The following AP1S3 variants were observed in gnomAD, a reference collection of about 807,000 sequenced individuals.
The protein encoded by AP1S3 is adaptor related protein complex 1 subunit sigma 3.
In AP1S3, 10 loss-of-function variants were observed where a neutral mutation model predicts 20.9. The ratio of observed to expected loss-of-function variants is 0.48; its 90% CI spans 0.29 to 0.81. The LOEUF (loss-of-function observed/expected upper bound fraction) is 0.81, where lower values mean the gene tolerates loss of function less well. Among genes scored for constraint, AP1S3 ranks in the 30% least tolerant of loss-of-function variants. The pLI, the probability that AP1S3 is intolerant of heterozygous loss-of-function variation, is 0.08. For synonymous variants in AP1S3, 41 were observed against 61.5 expected (o/e 0.67, Z 1.56); for missense variants, 154 against 183.8 (o/e 0.84, Z 0.94).
intron 1 of AP1S3, among the ~76,000 whole-genome samples, chr2:223,814,510 A>C (rs1272165519): frequency 6.6e-6 from 1 of 152,222 alleles, no homozygotes; most frequent in Non-Finnish European, 1.5e-5. Flanking sequence ...TAACATTTAG[A>C]CCATTCCTGG....
At chr2:223,820,365 T>C (rs1241326151) in intron 1 of AP1S3, among the ~76,000 whole-genome samples, 1 of 152,178 alleles carries the variant, frequency 6.6e-6, no homozygotes, top group Non-Finnish European at 1.5e-5. Context: ...GTTCAATAAA[T>C]ATTTATTGCC....
At chr2:223,794,749 T>C (rs1186398518) in intron 1 of AP1S3, among the ~76,000 whole-genome samples, 3 of 152,210 alleles carry the variant, frequency 2.0e-5, no homozygotes, top group Non-Finnish European at 4.4e-5. Context: ...GTCCTTCCTC[T>C]AAGCGCATCT....
chr2:223,833,241 AATACATACATACATACATAC>A (rs56906676), intron 1 of AP1S3, among the ~76,000 whole-genome samples: 1 of 148,432 alleles, frequency 6.7e-6, no homozygotes, highest in Non-Finnish European at 1.5e-5. Context: ...TTAAAGGCAA[AATACATACATACATACATAC>A]ATACATACAT....
rs1341802878 is a variant in AP1S3 at position 223,757,194 on chromosome 2, C to A, written c.*1521G>T. The A allele has an allele frequency of 2.7e-5, 5 of 186,300 alleles. No individual in the cohort carries two copies. The East Asian group carries it at 5.6e-4, about 21-fold the overall frequency. 11.5% of individuals were successfully genotyped at this position (186,300 alleles called of 1,614,324 possible). A position where few individuals can be genotyped will look rare whatever the true frequency, so the allele number is the denominator to read the frequency against. ...TTTGAGACGAAGTCTCGCTCTGTCG[C>A]CCAGGCTGGAGTGCAGTGGCACAAT... On this transcript the variant is annotated 3_prime_UTR_variant, in exon 5 of 5. Coordinates refer to ENST00000396654, the MANE Select transcript of AP1S3 (RefSeq NM_001039569.2).
Position 223,837,431 on chromosome 2 carries a change from G to C in AP1S3, c.3+17C>G, listed in dbSNP as rs754403690. 1 of 1,232,754 alleles carries C rather than the reference G, an allele frequency of 8.1e-7. No individual in the cohort carries two copies. Among genetic ancestry groups the C allele is most frequent in the East Asian group, 3.2e-5 (1 of 31,654 alleles). 76.4% of individuals were successfully genotyped at this position (1,232,754 alleles called of 1,614,324 possible). On this transcript the variant is annotated intron_variant, in intron 1 of 4. Coordinates refer to ENST00000396654, the MANE Select transcript of AP1S3 (RefSeq NM_001039569.2). The stretch of plus-strand genomic sequence containing the variant: ...GCCCCCACCGCCTACCCGGGCCGGC[G>C]GTTCCCCCGCACTCACCATCGTGGC...
At chr2:223,780,288 TATATATATATATATATATATAGAGAGAG>T (rs1690891869) in intron 1 of AP1S3, among the ~76,000 whole-genome samples, 1 of 36,100 alleles carries the variant, frequency 2.8e-5, no homozygotes, top group Non-Finnish European at 4.9e-5. Flanking sequence ...TATATATATA[TATATATATATATATATATATAGAGAGAG>T]AGAGAGAGAG....
intron 1 of AP1S3, among the ~76,000 whole-genome samples, chr2:223,824,777 C>T (rs1248150472): frequency 1.3e-5 from 2 of 151,928 alleles, no homozygotes; most frequent in African/African-American, 4.8e-5. Flanking sequence ...TCAAATGATC[C>T]ACCCGTCACG....
At chr2:223,832,600 A>G (rs1692298771) in intron 1 of AP1S3, among the ~76,000 whole-genome samples, 1 of 152,214 alleles carries the variant, frequency 6.6e-6, no homozygotes, top group Non-Finnish European at 1.5e-5. Flanking sequence ...TCATTAGTGT[A>G]ATAGACCGCT....
At chr2:223,806,674 C>A (rs1007290819) in intron 1 of AP1S3, among the ~76,000 whole-genome samples, 5 of 152,052 alleles carry the variant, frequency 3.3e-5, no homozygotes, top group African/African-American at 1.2e-4. Flanking sequence ...TACCTTTATA[C>A]TTTCAATATT....
At chr2:223,773,925 G>T (rs533484218) in intron 3 of AP1S3, among the ~76,000 whole-genome samples, 20 of 152,200 alleles carry the variant, frequency 1.3e-4, no homozygotes, top group Non-Finnish European at 2.6e-4. Flanking sequence ...CCCACAGCTG[G>T]TTACAAGTTA....
chr2:223,830,899 C>T (rs1365350603), intron 1 of AP1S3, among the ~76,000 whole-genome samples: 1 of 152,230 alleles, frequency 6.6e-6, no homozygotes, highest in Non-Finnish European at 1.5e-5. Flanking sequence ...GGGATGTTGG[C>T]AGAGGCCAGT....
At chr2:223,805,800 G>A (rs979853504) in intron 1 of AP1S3, among the ~76,000 whole-genome samples, 3 of 152,060 alleles carry the variant, frequency 2.0e-5, no homozygotes, top group Admixed American at 2.0e-4. Context: ...TTTTACCCAT[G>A]TATTATACAT....
At chr2:223,763,952 C>T (rs922234661) in intron 4 of AP1S3, among the ~76,000 whole-genome samples, 6 of 152,170 alleles carry the variant, frequency 3.9e-5, no homozygotes, top group Non-Finnish European at 5.9e-5. Context: ...GATGGAGTCT[C>T]GCTCTGTCAC....
intron 4 of AP1S3, among the ~76,000 whole-genome samples, chr2:223,762,805 A>T (rs1690392022): frequency 6.6e-6 from 1 of 152,176 alleles, no homozygotes; most frequent in Non-Finnish European, 1.5e-5. Flanking sequence ...AACTGTTATT[A>T]AGTAGGAGCT....
chr2:223,799,208 GACACACACACACACACACAC>G (rs10527751), intron 1 of AP1S3, among the ~76,000 whole-genome samples: 122 of 145,910 alleles, frequency 8.4e-4, no homozygotes, highest in African/African-American at 2.4e-3. Flanking sequence ...TTCGGGCCTA[GACACACACACACACACACAC>G]ACACACACAC....
chr2:223,824,608 G>A (rs1450792758), intron 1 of AP1S3, among the ~76,000 whole-genome samples: 1 of 152,104 alleles, frequency 6.6e-6, no homozygotes, highest in Non-Finnish European at 1.5e-5. Context: ...CGCTATCTCG[G>A]CTCATTGTAA....
intron 1 of AP1S3, among the ~76,000 whole-genome samples, chr2:223,802,361 G>C (rs982822167): frequency 6.6e-6 from 1 of 151,350 alleles, no homozygotes. Flanking sequence ...GGAGTGCAGT[G>C]GTGTGATCTT....
chr2:223,763,092 C>T (rs1690397693), intron 4 of AP1S3, among the ~76,000 whole-genome samples: 1 of 152,172 alleles, frequency 6.6e-6, no homozygotes. Context: ...CCCAAGAGAA[C>T]ACTAATAACA....
In AP1S3 at chr2:223,777,830, G is replaced by GT. The variant is rs1559279631; in HGVS notation, c.42dup (p.Arg15ThrfsTer11). ...AGAGTGATGTACCATTTCTGTAGCC[G>GT]TAATTTCCCTTGTCGACTGAAGAGC... On this transcript the variant is annotated frameshift_variant, in exon 2 of 5. Coordinates refer to ENST00000396654, the MANE Select transcript of AP1S3 (RefSeq NM_001039569.2). LOFTEE classifies it high-confidence loss of function. 1 of 1,613,810 alleles carries GT rather than the reference G, an allele frequency of 6.2e-7. No individual in the cohort carries two copies. Among genetic ancestry groups the GT allele is most frequent in the African/African-American group, 1.3e-5 (1 of 75,026 alleles).
Sources: allele counts gnomAD v4.1 joint callset (sites outside exome capture counted in the v4.1 genomes callset), GRCh38; gene constraint gnomAD v4.1.1; transcripts MANE v1.5; gene names NCBI Gene and HGNC (gene_info 2026-07-23, HGNC 2026-07-21).